The following AUTS2 variants were observed in gnomAD, a reference collection of about 807,000 sequenced individuals.
The protein encoded by AUTS2 is autism susceptibility gene 2 protein.
AUTS2 carries 17 observed loss-of-function variants against 112.4 expected under a neutral mutation model. That is an observed-to-expected ratio of 0.15 (90% CI 0.10 to 0.23). The LOEUF is 0.23. Among genes scored for constraint, AUTS2 ranks in the 10% least tolerant of loss-of-function variants. The pLI, the probability that AUTS2 is intolerant of heterozygous loss-of-function variation, is 1.00. For synonymous variants in AUTS2, 751 were observed against 702.7 expected (o/e 1.07, Z -1.09); for missense variants, 1,510 against 1,701.6 (o/e 0.89, Z 1.98).
In AUTS2 at chr7:70,790,531, G is replaced by A. The variant is rs1420874015; in HGVS notation, c.3315G>A (p.Ser1105=). 2 of 1,607,966 alleles carry A rather than the reference G, an allele frequency of 1.2e-6. No homozygotes were observed. The highest frequency in any genetic ancestry group is 1.1e-5 in the South Asian group (1 of 90,210). Residue 1105 remains serine (S), a synonymous_variant, in exon 19 of 19, where the codon TCG becomes TCA. Transcript: ENST00000342771. This position sits in a 1 kb window ranked among gnomAD's most constrained non-coding sequence, Gnocchi z 7.6. ...GGAACGACCCGCTCCACCGGCTCTC[G>A]ACTCCCCGGCTGTACGAAGCCGACC... ...LLRNDPLHRL[S]TPRLYEADRS... is the part of the protein sequence containing the mutation.
At position 70,408,631 on chromosome 7, in the gene AUTS2, C is replaced by T. The variant is rs564462025; in HGVS notation, c.661-27121C>T. On this transcript the variant is annotated intron_variant, in intron 4 of 18. Coordinates refer to ENST00000342771, the MANE Select transcript of AUTS2 (RefSeq NM_015570.4). ...TCATCACACTTTTGCCGACAAAGTA[C>T]AGCCATAAATTACTTCCCCCACCAC... 3.3e-5 allele frequency among the ~76,000 whole-genome samples: 5 copies of T among 152,326 alleles called. No homozygotes were observed. In the East Asian group the frequency reaches 9.7e-4, roughly 29 times the overall value.
intron 1 of AUTS2, among the ~76,000 whole-genome samples, chr7:69,608,197 A>G (rs930266345): frequency 6.6e-6 from 1 of 152,132 alleles, no homozygotes; most frequent in African/African-American, 2.4e-5. Context: ...GCCTCCCACA[A>G]TGCTGGGATT....
intron 1 of AUTS2, among the ~76,000 whole-genome samples, chr7:69,638,553 CTCT>C (rs1207348281): frequency 6.6e-6 from 1 of 152,168 alleles, no homozygotes; most frequent in Non-Finnish European, 1.5e-5. Flanking sequence ...TCCCTAACTC[CTCT>C]TTTTTTCCTC....
intron 6 of AUTS2, among the ~76,000 whole-genome samples, chr7:70,715,956 A>T (rs1165952691): frequency 6.6e-6 from 1 of 152,234 alleles, no homozygotes; most frequent in Non-Finnish European, 1.5e-5. Context: ...ATAATATCCT[A>T]AAAGTGATTT....
intron 5 of AUTS2, among the ~76,000 whole-genome samples, chr7:70,447,016 T>C (rs1447426484): frequency 6.6e-6 from 1 of 152,176 alleles, no homozygotes; most frequent in African/African-American, 2.4e-5. Flanking sequence ...CAGGGTGGAT[T>C]AGGCAAAAAC....
At chr7:69,825,553 C>G (rs1317956800) in intron 1 of AUTS2, among the ~76,000 whole-genome samples, 1 of 152,058 alleles carries the variant, frequency 6.6e-6, no homozygotes, top group African/African-American at 2.4e-5. Context: ...ATTTGGGTAG[C>G]GGTTTGGAGG....
chr7:70,206,865 G>C (rs1048201059), intron 4 of AUTS2, among the ~76,000 whole-genome samples: 1 of 152,136 alleles, frequency 6.6e-6, no homozygotes, highest in South Asian at 2.1e-4. Flanking sequence ...TCCTCAGATA[G>C]CAAGCTAGAT....
intron 1 of AUTS2, among the ~76,000 whole-genome samples, chr7:69,851,032 A>G (rs1038787357): frequency 1.3e-5 from 2 of 152,182 alleles, no homozygotes; most frequent in African/African-American, 4.8e-5. Context: ...TGTAAGTATG[A>G]GGTTTAGGTT....
chr7:70,427,500 A>G (rs1421279512), intron 4 of AUTS2, among the ~76,000 whole-genome samples: 1 of 152,220 alleles, frequency 6.6e-6, no homozygotes, highest in Non-Finnish European at 1.5e-5. Flanking sequence ...CCCCACTTCC[A>G]ATAACTCAAC....
intron 5 of AUTS2, among the ~76,000 whole-genome samples, chr7:70,525,975 A>T (rs2129496081): frequency 6.6e-6 from 1 of 152,334 alleles, no homozygotes; most frequent in South Asian, 2.1e-4. Context: ...GTCCTCACGT[A>T]CGAGAGTGGT....
At chr7:70,314,083 A>G (rs532376354) in intron 4 of AUTS2, among the ~76,000 whole-genome samples, 6 of 152,326 alleles carry the variant, frequency 3.9e-5, no homozygotes, top group Admixed American at 6.5e-5. Flanking sequence ...TGTTAAAATG[A>G]TAAGTGCAGA....
At chr7:70,584,791 G>C (rs1194760639) in intron 5 of AUTS2, among the ~76,000 whole-genome samples, 1 of 152,254 alleles carries the variant, frequency 6.6e-6, no homozygotes, top group Non-Finnish European at 1.5e-5. Flanking sequence ...CGTCCTGCCA[G>C]CCACGAAGGG....
chr7:70,654,397 T>A (rs1409155916), intron 5 of AUTS2, among the ~76,000 whole-genome samples: 1 of 152,186 alleles, frequency 6.6e-6, no homozygotes, highest in Non-Finnish European at 1.5e-5. Context: ...TATGTTCCAA[T>A]AAAACTTTAT....
chr7:70,382,993 CT>C (rs1793439108), intron 4 of AUTS2, among the ~76,000 whole-genome samples: 1 of 152,148 alleles, frequency 6.6e-6, no homozygotes, highest in South Asian at 2.1e-4. Flanking sequence ...TTTATGAAGT[CT>C]ATATATTTTT....
chr7:69,606,927 C>T (rs549546976), intron 1 of AUTS2, among the ~76,000 whole-genome samples: 2 of 152,312 alleles, frequency 1.3e-5, no homozygotes, highest in Admixed American at 6.5e-5. Flanking sequence ...CTTCTTTCTT[C>T]CAAATCTGAG....
chr7:70,736,739 G>A (rs1003636589), intron 6 of AUTS2, among the ~76,000 whole-genome samples: 2 of 152,204 alleles, frequency 1.3e-5, no homozygotes, highest in Admixed American at 6.5e-5. Flanking sequence ...GCTGTTCACT[G>A]CATTCCTAAC....
chr7:70,579,867 C>G (rs1802354186), intron 5 of AUTS2, among the ~76,000 whole-genome samples: 1 of 152,118 alleles, frequency 6.6e-6, no homozygotes, highest in Non-Finnish European at 1.5e-5. Context: ...AGAATCTGCC[C>G]CTAAGCCACC....
intron 4 of AUTS2, among the ~76,000 whole-genome samples, chr7:70,187,521 CTTTAG>C (rs1809666514): frequency 6.6e-6 from 1 of 152,080 alleles, no homozygotes; most frequent in African/African-American, 2.4e-5. Context: ...GTGTTTTCCT[CTTTAG>C]TTAAGAGGCC....
chr7:69,845,722 G>C (rs1171642448), intron 1 of AUTS2, among the ~76,000 whole-genome samples: 1 of 152,102 alleles, frequency 6.6e-6, no homozygotes, highest in Non-Finnish European at 1.5e-5. Flanking sequence ...GCATAGGGTG[G>C]CCCTCTGCTG....
Sources: gnomAD v4.1 joint callset for allele counts (sites outside exome capture counted in the v4.1 genomes callset) on GRCh38, gnomAD v4.1.1 for gene constraint, Gnocchi (gnomAD v3.1) non-coding constraint, MANE v1.5 for transcripts, NCBI Gene and HGNC (gene_info 2026-07-23, HGNC 2026-07-21) for gene names.